Variants in ARB2A observed in about 807,000 individuals in gnomAD.
The protein encoded by ARB2A is cotranscriptional regulator ARB2A.
chr5:94,068,969 AGG>A, the ARB2A span, among the ~76,000 whole-genome samples: 53 of 151,632 alleles, frequency 3.5e-4, no homozygotes, highest in Non-Finnish European at 7.1e-4. Context: ...CAGGAGGCAG[AGG>A]TTGCAGTGAG....
chr5:93,686,552 T>C, the ARB2A span, among the ~76,000 whole-genome samples: 3 of 152,224 alleles, frequency 2.0e-5, no homozygotes, highest in Non-Finnish European at 4.4e-5. Flanking sequence ...TTCCAGTCCA[T>C]TTATCCTTTC....
At chr5:93,787,291 A>G in the ARB2A span, among the ~76,000 whole-genome samples, 5 of 152,310 alleles carry the variant, frequency 3.3e-5, no homozygotes, top group South Asian at 1.0e-3. Flanking sequence ...TTTTTGTTAT[A>G]ATATCTTCAG....
the ARB2A span, among the ~76,000 whole-genome samples, chr5:93,927,411 G>A: frequency 6.6e-6 from 1 of 152,110 alleles, no homozygotes; most frequent in African/African-American, 2.4e-5. Flanking sequence ...TGTGATTGAT[G>A]AACTGCTGTT....
the ARB2A span, among the ~76,000 whole-genome samples, chr5:94,102,101 TAA>T: frequency 1.8e-4 from 21 of 114,248 alleles, no homozygotes; most frequent in Admixed American, 2.6e-4. Flanking sequence ...AATTCCAAAG[TAA>T]AAAAAAAAAA....
the ARB2A span, among the ~76,000 whole-genome samples, chr5:93,833,699 T>C: frequency 6.6e-6 from 1 of 152,248 alleles, no homozygotes; most frequent in African/African-American, 2.4e-5. Context: ...CCAGAATTTC[T>C]ACAAAGTACA....
At chr5:93,937,976 T>A in the ARB2A span, among the ~76,000 whole-genome samples, 1 of 152,178 alleles carries the variant, frequency 6.6e-6, no homozygotes, top group Non-Finnish European at 1.5e-5. Context: ...ATTTTGAACC[T>A]ATGGTTGGAA....
the ARB2A span, among the ~76,000 whole-genome samples, chr5:93,692,718 G>A: frequency 6.6e-6 from 1 of 152,060 alleles, no homozygotes; most frequent in Non-Finnish European, 1.5e-5. Context: ...TCTACAGAAA[G>A]AATTCTCCAC....
the ARB2A span, among the ~76,000 whole-genome samples, chr5:93,871,949 CTTTTTT>C: frequency 7.6e-6 from 1 of 132,116 alleles, no homozygotes. Context: ...GGAATTTTTT[CTTTTTT>C]TTTTTTTTTT....
chr5:93,626,512 G>A, the ARB2A span, among the ~76,000 whole-genome samples: 3 of 152,128 alleles, frequency 2.0e-5, no homozygotes. Context: ...AGATATCGTG[G>A]GTTTGGTTAC....
At chr5:93,893,297 C>T in the ARB2A span, among the ~76,000 whole-genome samples, 1 of 152,108 alleles carries the variant, frequency 6.6e-6, no homozygotes, top group Non-Finnish European at 1.5e-5. Context: ...AAATACAAAA[C>T]AGCCAGCAGG....
the ARB2A span, among the ~76,000 whole-genome samples, chr5:93,803,668 T>C: frequency 6.6e-6 from 1 of 150,670 alleles, no homozygotes; most frequent in African/African-American, 2.4e-5. Context: ...ATACACAAGT[T>C]TACCTACATA....
chr5:93,817,300 A>G, the ARB2A span, among the ~76,000 whole-genome samples: 1 of 152,216 alleles, frequency 6.6e-6, no homozygotes, highest in Non-Finnish European at 1.5e-5. Flanking sequence ...AGACTTGTAC[A>G]CTGAAAACAA....
At chr5:93,997,565 T>C in the ARB2A span, among the ~76,000 whole-genome samples, 2 of 152,018 alleles carry the variant, frequency 1.3e-5, no homozygotes, top group Non-Finnish European at 2.9e-5. Context: ...AAAAACCTAG[T>C]GCCTATAAAC....
chr5:93,645,873 C>G, the ARB2A span, among the ~76,000 whole-genome samples: 2 of 152,120 alleles, frequency 1.3e-5, no homozygotes, highest in African/African-American at 4.8e-5. Flanking sequence ...AACTAATTCA[C>G]AAAGGTGAGT....
chr5:93,851,715 G>T, the ARB2A span, among the ~76,000 whole-genome samples: 1 of 152,000 alleles, frequency 6.6e-6, no homozygotes, highest in Non-Finnish European at 1.5e-5. Flanking sequence ...TTGGTTTTTT[G>T]TTCTTGCGAT....
the ARB2A span, among the ~76,000 whole-genome samples, chr5:93,892,094 G>A: frequency 1.3e-5 from 2 of 152,164 alleles, no homozygotes; most frequent in African/African-American, 4.8e-5. Flanking sequence ...CAGAAACTCA[G>A]AGGCAGAGAA....
chr5:93,979,790 T>C, the ARB2A span, among the ~76,000 whole-genome samples: 3 of 152,102 alleles, frequency 2.0e-5, no homozygotes, highest in African/African-American at 7.2e-5. Context: ...TATATTTTAA[T>C]AGGTTAAGTT....
chr5:94,060,708 A>G, the ARB2A span, among the ~76,000 whole-genome samples: 1 of 152,220 alleles, frequency 6.6e-6, no homozygotes, highest in African/African-American at 2.4e-5. Context: ...GACAGTACAA[A>G]AAAAGAACAC....
the ARB2A span, among the ~76,000 whole-genome samples, chr5:94,096,193 G>C: frequency 3.3e-5 from 5 of 152,176 alleles, no homozygotes; most frequent in Non-Finnish European, 7.4e-5. Context: ...CAAATCAAGA[G>C]AGCATCTAAT....
Sources: gnomAD v4.1 joint callset for allele counts (sites outside exome capture counted in the v4.1 genomes callset) on GRCh38, gnomAD v4.1.1 for gene constraint, MANE v1.5 for transcripts, NCBI Gene and HGNC (gene_info 2026-07-23, HGNC 2026-07-21) for gene names.